Variants in C10orf90 observed in about 807,000 individuals in gnomAD.
C10orf90 encodes chromosome 10 open reading frame 90.
In C10orf90, 56 loss-of-function variants were observed where a neutral mutation model predicts 62.5. That is an observed-to-expected ratio of 0.90 (90% CI 0.72 to 1.12). The LOEUF (loss-of-function observed/expected upper bound fraction) is 1.12. Ranked by LOEUF, C10orf90 falls within the 50% of genes most tolerant of loss-of-function variation. The probability of loss-of-function intolerance (pLI) is 0.00; values close to 1 mark genes in which losing one functional copy is unlikely to be tolerated. For synonymous variants in C10orf90, 386 were observed against 340.4 expected (o/e 1.13, Z -1.47); for missense variants, 970 against 880.4 (o/e 1.10, Z -1.29).
chr10:126,646,495 A>AAGAG (rs139048711), intron 2 of C10orf90, 70 bp downstream of exon 2: 8 of 320,458 alleles, frequency 2.5e-5, no homozygotes, highest in East Asian at 1.0e-4. Context: ...ATAAAAATAA[A>AAGAG]AGAGAGAGAG....
At chr10:126,507,791 C>A (rs956863055) in intron 3 of C10orf90, among the ~76,000 whole-genome samples, 1 of 152,148 alleles carries the variant, frequency 6.6e-6, no homozygotes, top group Admixed American at 6.5e-5. Context: ...GTTCTTAGAG[C>A]TTCCAGTGAG....
chr10:126,653,004 A>G (rs1846321068), intron 1 of C10orf90, among the ~76,000 whole-genome samples: 2 of 152,248 alleles, frequency 1.3e-5, no homozygotes, highest in African/African-American at 2.4e-5. Context: ...ATTATATTCT[A>G]TTAAAGGTGT....
chr10:126,507,626 T>C (rs11245010), intron 3 of C10orf90, among the ~76,000 whole-genome samples: 133,587 of 152,120 alleles, frequency 0.88, 58,718 homozygotes, highest in African/African-American at 0.9. Context: ...TTGAGGCTAA[T>C]GCTGCTGGAA....
chr10:126,542,442 G>T (rs963777689), intron 2 of C10orf90, among the ~76,000 whole-genome samples: 1 of 152,120 alleles, frequency 6.6e-6, no homozygotes, highest in Non-Finnish European at 1.5e-5. Context: ...GGTGGAAGTT[G>T]CAGTGAGCTG....
intron 2 of C10orf90, among the ~76,000 whole-genome samples, chr10:126,564,605 C>A (rs977208937): frequency 2.7e-5 from 4 of 149,990 alleles, no homozygotes; most frequent in Non-Finnish European, 4.4e-5. Context: ...AGATTGAAAC[C>A]ATAGCAACCT....
intron 7 of C10orf90, among the ~76,000 whole-genome samples, chr10:126,433,876 G>A (rs1564788757): frequency 6.6e-6 from 1 of 152,134 alleles, no homozygotes; most frequent in Non-Finnish European, 1.5e-5. Flanking sequence ...GAAGTTTCAT[G>A]TGTTCTAATT....
chr10:126,455,829 C>G (rs1040082695), intron 7 of C10orf90, among the ~76,000 whole-genome samples: 6 of 152,218 alleles, frequency 3.9e-5, no homozygotes, highest in Non-Finnish European at 7.3e-5. Context: ...CACTCTTCCC[C>G]TGGTCTCAAA....
In C10orf90 at chr10:126,649,062, CT is replaced by C. The variant is rs1846233924; in HGVS notation, c.241-2426del. Among the ~76,000 whole-genome samples, 17 of 62,078 alleles carry C rather than the reference CT, an allele frequency of 2.7e-4. 1 individual carries two copies. The South Asian group carries it at 2.8e-3, about 10-fold the overall frequency. The allele number at this position is 62,078 out of a possible 152,430, so 40.7% of individuals were successfully genotyped here. ...TCTCTCTCTCTCTCTCTCTCTCTCTCTCTCTCTCTCCCCCCCCCCCAGCAAT... is the reference window on the plus strand; with the variant it reads ...TCTCTCTCTCTCTCTCTCTCTCTCTCCTCTCTCTCCCCCCCCCCCAGCAAT... On this transcript the variant is annotated intron_variant, in intron 1 of 9. Transcript: ENST00000488181.
intron 2 of C10orf90, among the ~76,000 whole-genome samples, chr10:126,541,282 G>A (rs1199335233): frequency 2.0e-5 from 3 of 151,936 alleles, no homozygotes; most frequent in Admixed American, 6.6e-5. Context: ...AATACAATGG[G>A]ATAATATATA....
At chr10:126,570,184 T>G (rs531305990) in intron 2 of C10orf90, among the ~76,000 whole-genome samples, 8 of 152,366 alleles carry the variant, frequency 5.3e-5, no homozygotes, top group African/African-American at 1.9e-4. Flanking sequence ...CTGCCTTTGA[T>G]TCCCCTGCAC....
At chr10:126,484,130 A>T (rs1861304772) in intron 4 of C10orf90, among the ~76,000 whole-genome samples, 1 of 152,174 alleles carries the variant, frequency 6.6e-6, no homozygotes, top group Admixed American at 6.5e-5. Context: ...TCACTGTATC[A>T]TAAAGCACAG....
chr10:126,482,437 T>C (rs558138164), intron 4 of C10orf90, among the ~76,000 whole-genome samples: 27 of 152,302 alleles, frequency 1.8e-4, no homozygotes, highest in African/African-American at 6.5e-4. Context: ...CCTTTTCCAC[T>C]CTGAAACTTG....
chr10:126,618,003 C>G (rs555045047), intron 2 of C10orf90, among the ~76,000 whole-genome samples: 9 of 152,178 alleles, frequency 5.9e-5, no homozygotes, highest in African/African-American at 2.2e-4. Context: ...ATGGATGAGG[C>G]CCCTTCTGAC....
chr10:126,438,643 T>C (rs145745295), intron 7 of C10orf90, among the ~76,000 whole-genome samples: 261 of 152,242 alleles, frequency 1.7e-3, no homozygotes, highest in African/African-American at 5.8e-3. Flanking sequence ...AAAAATGAGA[T>C]CAACTATAGG....
chr10:126,655,985 A>G (rs79224153), intron 1 of C10orf90, among the ~76,000 whole-genome samples: 2,542 of 152,220 alleles, frequency 0.017, 73 homozygotes, highest in African/African-American at 0.056. Context: ...GATTTTTTTC[A>G]GCCAGACTGA....
chr10:126,513,222 A>G (rs958477927), intron 3 of C10orf90, among the ~76,000 whole-genome samples: 1 of 152,216 alleles, frequency 6.6e-6, no homozygotes, highest in Admixed American at 6.5e-5. Context: ...AAAGCTCCAG[A>G]GCCAGGCAGG....
chr10:126,432,306 C>T (rs1054184946), intron 7 of C10orf90, among the ~76,000 whole-genome samples: 1 of 152,140 alleles, frequency 6.6e-6, no homozygotes, highest in Non-Finnish European at 1.5e-5. Context: ...ACCAAGAACT[C>T]CTCCATTTCC....
chr10:126,493,597 T>TC (rs11388113), intron 4 of C10orf90, among the ~76,000 whole-genome samples: 91,603 of 151,922 alleles, frequency 0.6, 28,822 homozygotes, highest in African/African-American at 0.8. Context: ...CCGCAGGTGA[T>TC]CGCCCACCTC....
At chr10:126,665,049 C>T (rs1302487497) in intron 1 of C10orf90, among the ~76,000 whole-genome samples, 3 of 152,172 alleles carry the variant, frequency 2.0e-5, no homozygotes, top group African/African-American at 7.2e-5. Context: ...AGGAGGAGCC[C>T]CAGCACCCAC....
Sources: allele counts gnomAD v4.1 joint callset (sites outside exome capture counted in the v4.1 genomes callset), GRCh38; gene constraint gnomAD v4.1.1; transcripts MANE v1.5; gene names NCBI Gene and HGNC (gene_info 2026-07-23, HGNC 2026-07-21).